The following CACNA1D variants were observed in gnomAD, a reference collection of about 807,000 sequenced individuals.
The protein encoded by CACNA1D is voltage-dependent L-type calcium channel subunit alpha-1D.
In CACNA1D, 55 loss-of-function variants were observed where a neutral mutation model predicts 257.1. That is an observed-to-expected ratio of 0.21 (90% CI 0.17 to 0.27). The LOEUF is 0.27. Ranked by LOEUF, CACNA1D falls within the 10% of genes least tolerant of loss-of-function variation. CACNA1D has a pLI of 1.00. For synonymous variants in CACNA1D, 980 were observed against 1,014.9 expected (o/e 0.97, Z 0.65); for missense variants, 1,876 against 2,784.0 (o/e 0.67, Z 7.34).
chr3:53,700,426 G>C (rs2612016), intron 8 of CACNA1D, among the ~76,000 whole-genome samples: 61,599 of 151,870 alleles, frequency 0.41, 13,901 homozygotes, highest in African/African-American at 0.62. Context: ...TACATGACAT[G>C]CCAAGCCCTC....
Position 53,771,876 on chromosome 3 carries a change from C to T in CACNA1D, c.4045-957C>T, listed in dbSNP as rs565010656. On this transcript the variant is annotated intron_variant, in intron 32 of 47. Coordinates refer to ENST00000350061, the MANE Select transcript of CACNA1D (RefSeq NM_001128840.3). ...AGCCTGAAACGAACTCTGTGGGACC[C>T]TGCTGAGCAGTCCAGCTGCAGGGAG... is the stretch of plus-strand genomic sequence containing the variant. Among the ~76,000 whole-genome samples the T allele has an allele frequency of 1.6e-3, 249 of 152,320 alleles. 3 individuals carry two copies. Among genetic ancestry groups the T allele is most frequent in the African/African-American group, 5.5e-3 (228 of 41,568 alleles).
intron 5 of CACNA1D, among the ~76,000 whole-genome samples, chr3:53,660,613 A>G (rs1266404742): frequency 6.6e-6 from 1 of 151,086 alleles, no homozygotes; most frequent in Admixed American, 6.6e-5. Flanking sequence ...CCACGCCTCC[A>G]CTCCCAGGCC....
At chr3:53,532,084 A>G (rs1274124594) in intron 3 of CACNA1D, among the ~76,000 whole-genome samples, 1 of 152,220 alleles carries the variant, frequency 6.6e-6, no homozygotes, top group Non-Finnish European at 1.5e-5. Flanking sequence ...GGTGAGTGTC[A>G]TCAGGCCCAG....
rs139243437 is a variant in CACNA1D, at chr3:53,728,022, C to G, written c.2221+1023C>G. On this transcript the variant is annotated intron_variant, in intron 15 of 47. Transcript: ENST00000350061. Reference sequence around the variant, plus strand: ...TCTAAGGCCCCCTCCACAAGAGCCACCCCTGCCCTGTCTCCCACCCAGAGA... The same window carrying G: ...TCTAAGGCCCCCTCCACAAGAGCCAGCCCTGCCCTGTCTCCCACCCAGAGA... Among the ~76,000 whole-genome samples, 334 of 152,300 alleles carry G rather than the reference C, an allele frequency of 2.2e-3. 1 individual carries two copies. The highest frequency in any genetic ancestry group is 7.7e-3 in the African/African-American group (322 of 41,564).
At chr3:53,575,429 C>T (rs1192434146) in intron 3 of CACNA1D, among the ~76,000 whole-genome samples, 2 of 152,104 alleles carry the variant, frequency 1.3e-5, no homozygotes, top group African/African-American at 4.8e-5. Flanking sequence ...GTCTTGTCAG[C>T]AGTAGATAGG....
At chr3:53,501,891 C>T (rs534933970) in intron 3 of CACNA1D, among the ~76,000 whole-genome samples, 171 bp downstream of exon 3, 2 of 151,940 alleles carry the variant, frequency 1.3e-5, no homozygotes, top group African/African-American at 4.8e-5. Flanking sequence ...AACCTGTATT[C>T]TCAAATTTAT....
In CACNA1D at chr3:53,644,910, A is replaced by G. The variant is rs115897015; in HGVS notation, c.484-5869A>G. Among the ~76,000 whole-genome samples the G allele has an allele frequency of 6.0e-3, 909 of 152,284 alleles. 15 individuals carry two copies. Among genetic ancestry groups the G allele is most frequent in the African/African-American group, 0.021 (852 of 41,556 alleles). Reference sequence around the variant, plus strand: ...TGAGGACCCTCTGTAACTGTTTTCCATAGTGGCAGTACTAATTTACACTCC... The same window carrying G: ...TGAGGACCCTCTGTAACTGTTTTCCGTAGTGGCAGTACTAATTTACACTCC... On this transcript the variant is annotated intron_variant, in intron 3 of 47. Coordinates refer to ENST00000350061, the MANE Select transcript of CACNA1D (RefSeq NM_001128840.3).
chr3:53,599,211 T>C (rs2093410840), intron 3 of CACNA1D, among the ~76,000 whole-genome samples: 1 of 152,194 alleles, frequency 6.6e-6, no homozygotes, highest in Admixed American at 6.5e-5. Flanking sequence ...TTTTGAAACA[T>C]ATAGGAACCA....
At position 53,514,290 on chromosome 3, in the gene CACNA1D, G is replaced by A. The variant is rs1209746105; in HGVS notation, c.483+12570G>A. Among the ~76,000 whole-genome samples the A allele has an allele frequency of 2.0e-5, 3 of 151,684 alleles. No homozygotes were observed. In the East Asian group the frequency reaches 5.9e-4, roughly 30 times the overall value. On this transcript the variant is annotated intron_variant, in intron 3 of 47. Transcript: ENST00000350061. ...GAAAGGGAGTCCAGGCTCACAGGCT[G>A]ATGATGCCTAAACACCAAGCGGAGG...
chr3:53,498,516 C>T (rs955242359), intron 2 of CACNA1D, among the ~76,000 whole-genome samples: 4 of 152,066 alleles, frequency 2.6e-5, no homozygotes, highest in African/African-American at 9.7e-5. Context: ...TTCCTTTCCC[C>T]AGAAGTGTGT....
chr3:53,582,774 C>T (rs1207580454), intron 3 of CACNA1D, among the ~76,000 whole-genome samples: 2 of 152,134 alleles, frequency 1.3e-5, no homozygotes, highest in African/African-American at 4.8e-5. Flanking sequence ...CAAGTTGATA[C>T]AACCAGTTTT....
chr3:53,758,746 G>T (rs559677554), intron 29 of CACNA1D, among the ~76,000 whole-genome samples: 1 of 152,342 alleles, frequency 6.6e-6, no homozygotes, highest in East Asian at 1.9e-4. Flanking sequence ...AGATTTGACT[G>T]CTGGTTCCAC....
chr3:53,604,521 G>T (rs1171984576), intron 3 of CACNA1D, among the ~76,000 whole-genome samples: 1 of 151,318 alleles, frequency 6.6e-6, no homozygotes, highest in East Asian at 1.9e-4. Context: ...ACCCACCCCT[G>T]CCCTGCACTT....
chr3:53,569,832 G>A (rs889152526), intron 3 of CACNA1D, among the ~76,000 whole-genome samples: 15 of 152,212 alleles, frequency 9.9e-5, no homozygotes, highest in African/African-American at 3.1e-4. Flanking sequence ...AATAGCTACA[G>A]AGCCTTAGTG....
intron 3 of CACNA1D, among the ~76,000 whole-genome samples, chr3:53,560,203 G>A (rs139206611): frequency 6.8e-4 from 104 of 152,078 alleles, no homozygotes; most frequent in African/African-American, 2.4e-3. Context: ...GGAAAACAGT[G>A]GAAAATTCTC....
In CACNA1D at chr3:53,811,936, G is replaced by C. The variant is rs765860711; in HGVS notation, c.*530G>C. The C allele has an allele frequency of 6.6e-6, 1 of 152,500 alleles. No homozygotes were observed. 9.4% of individuals were successfully genotyped at this position (152,500 alleles called of 1,614,324 possible). On this transcript the variant is annotated 3_prime_UTR_variant, in exon 48 of 48. Coordinates refer to ENST00000350061, the MANE Select transcript of CACNA1D (RefSeq NM_001128840.3). The surrounding 1 kb of genome is among the most constrained non-coding windows in gnomAD (Gnocchi z 4.2). ...TTCCTGTTTAGCTGTTCTGAAATACGGTGTGTAAGTAAGTCAGAACCCAGC... is the reference window on the plus strand; with the variant it reads ...TTCCTGTTTAGCTGTTCTGAAATACCGTGTGTAAGTAAGTCAGAACCCAGC...
chr3:53,778,601 A>G (rs995397242), intron 37 of CACNA1D, among the ~76,000 whole-genome samples: 1 of 152,310 alleles, frequency 6.6e-6, no homozygotes, highest in East Asian at 1.9e-4. Flanking sequence ...AGTGCTTGCC[A>G]TTTGCCTCAC....
At chr3:53,654,397 A>C (rs534299296) in intron 4 of CACNA1D, among the ~76,000 whole-genome samples, 2 of 152,240 alleles carry the variant, frequency 1.3e-5, no homozygotes, top group South Asian at 4.1e-4. Flanking sequence ...AATAAAGTAC[A>C]TGACAATGGT....
At chr3:53,743,833 T>C (rs932861764) in intron 22 of CACNA1D, among the ~76,000 whole-genome samples, 1 of 152,050 alleles carries the variant, frequency 6.6e-6, no homozygotes, top group African/African-American at 2.4e-5. Context: ...ACACCTGCCC[T>C]CTAAGCTAAA....
Sources: gnomAD v4.1 joint callset for allele counts (sites outside exome capture counted in the v4.1 genomes callset) on GRCh38, gnomAD v4.1.1 for gene constraint, Gnocchi (gnomAD v3.1) non-coding constraint, MANE v1.5 for transcripts, NCBI Gene and HGNC (gene_info 2026-07-23, HGNC 2026-07-21) for gene names.